The following STAU2 variants were observed in gnomAD, a reference collection of about 807,000 sequenced individuals.
STAU2 encodes the protein double-stranded RNA-binding protein Staufen homolog 2.
In STAU2, 20 loss-of-function variants were observed where a neutral mutation model predicts 65.9. The observed-to-expected ratio is 0.30, with a 90% CI of 0.21 to 0.44. The LOEUF (loss-of-function observed/expected upper bound fraction) is 0.44, where lower values mean the gene tolerates loss of function less well. Among genes scored for constraint, STAU2 ranks in the 20% least tolerant of loss-of-function variants. STAU2 has a pLI of 1.00. For synonymous variants in STAU2, 232 were observed against 233.9 expected (o/e 0.99, Z 0.07); for missense variants, 558 against 683.9 (o/e 0.82, Z 2.05).
At chr8:73,743,585 TG>T (rs1807041709) in intron 1 of STAU2, among the ~76,000 whole-genome samples, 2 of 150,708 alleles carry the variant, frequency 1.3e-5, no homozygotes, top group Non-Finnish European at 2.9e-5. Context: ...ATGATTCTCC[TG>T]CCTCAGCCTC....
intron 13 of STAU2, among the ~76,000 whole-genome samples, chr8:73,483,190 A>G (rs559795565): frequency 6.6e-6 from 1 of 152,226 alleles, no homozygotes; most frequent in African/African-American, 2.4e-5. Flanking sequence ...AAAGATTAAA[A>G]AGAATCACTT....
intron 13 of STAU2, among the ~76,000 whole-genome samples, chr8:73,536,825 T>C (rs536129117): frequency 2.4e-3 from 372 of 152,270 alleles, no homozygotes; most frequent in Admixed American, 5.0e-3. Context: ...ACTGGTACAA[T>C]GTCAGAGGAG....
chr8:73,726,849 G>A (rs948865532), intron 3 of STAU2, among the ~76,000 whole-genome samples: 4 of 152,022 alleles, frequency 2.6e-5, no homozygotes, highest in Non-Finnish European at 5.9e-5. Context: ...TTAAATCCTG[G>A]CTATGGGTCA....
intron 1 of STAU2, among the ~76,000 whole-genome samples, chr8:73,741,304 C>T (rs1445444666): frequency 8.9e-6 from 1 of 112,108 alleles, no homozygotes; most frequent in South Asian, 3.1e-4. Flanking sequence ...GACTCCGTCT[C>T]AAAAAAAAAA....
chr8:73,533,245 A>G (rs1489321371), intron 13 of STAU2, among the ~76,000 whole-genome samples: 2 of 152,230 alleles, frequency 1.3e-5, no homozygotes, highest in Non-Finnish European at 2.9e-5. Context: ...TTATAACACC[A>G]TCAACTACTA....
intron 13 of STAU2, among the ~76,000 whole-genome samples, chr8:73,469,508 C>G (rs1199650215): frequency 6.7e-6 from 1 of 149,950 alleles, no homozygotes; most frequent in Non-Finnish European, 1.5e-5. Flanking sequence ...TGGATGGAGA[C>G]TGAGTAGAAG....
chr8:73,451,258 CT>C (rs1818783487), intron 13 of STAU2, among the ~76,000 whole-genome samples: 1 of 152,126 alleles, frequency 6.6e-6, no homozygotes, highest in Non-Finnish European at 1.5e-5. Context: ...ATAGGGGTGT[CT>C]ATAAAGAACT....
In STAU2 at chr8:73,739,760, T is replaced by G. The variant is rs1806708048; in HGVS notation, c.-88A>C. On this transcript the variant is annotated 5_prime_UTR_variant, in exon 2 of 15. Coordinates refer to ENST00000524300, the MANE Select transcript of STAU2 (RefSeq NM_001164380.2). ...AGTCAAAGTTCTTCAGATTACCTTC[T>G]GAGCCTTGGTTCAAATTACTTTGTG... is the stretch of plus-strand genomic sequence containing the variant. 6.6e-7 allele frequency: 1 copy of G among 1,515,732 alleles called. No homozygotes were observed. Among genetic ancestry groups the G allele is most frequent in the Admixed American group, 2.1e-5 (1 of 46,832 alleles). 93.9% of individuals were successfully genotyped at this position (1,515,732 alleles called of 1,614,324 possible). A position where few individuals can be genotyped will look rare whatever the true frequency, so the allele number is the denominator to read the frequency against.
intron 6 of STAU2, among the ~76,000 whole-genome samples, chr8:73,621,316 C>A (rs1283945110): frequency 6.6e-6 from 1 of 152,106 alleles, no homozygotes; most frequent in Non-Finnish European, 1.5e-5. Context: ...CATTTCCTCT[C>A]CTGCTGTCCT....
chr8:73,679,159 C>T (rs1818218320), intron 5 of STAU2, among the ~76,000 whole-genome samples: 1 of 152,084 alleles, frequency 6.6e-6, no homozygotes, highest in Non-Finnish European at 1.5e-5. Context: ...TATAGTAATT[C>T]CATTAACCTA....
intron 5 of STAU2, among the ~76,000 whole-genome samples, chr8:73,676,753 G>A (rs1249926046): frequency 1.3e-5 from 2 of 152,024 alleles, no homozygotes; most frequent in African/African-American, 2.4e-5. Context: ...ACACCATCAC[G>A]CCCAGCTAAT....
chr8:73,521,187 A>G (rs1030144603), intron 13 of STAU2, among the ~76,000 whole-genome samples: 1 of 152,172 alleles, frequency 6.6e-6, no homozygotes, highest in Non-Finnish European at 1.5e-5. Context: ...ATTTTAATTA[A>G]TCAGAGAATA....
intron 4 of STAU2, among the ~76,000 whole-genome samples, chr8:73,704,477 G>A (rs758037010): frequency 1.3e-5 from 2 of 151,908 alleles, no homozygotes; most frequent in African/African-American, 2.4e-5. Flanking sequence ...TCATAATGAC[G>A]GTGTAGTGCG....
upstream of STAU2, among the ~76,000 whole-genome samples, chr8:73,747,131 G>A (rs571384272): frequency 1.3e-5 from 2 of 151,996 alleles, no homozygotes; most frequent in South Asian, 4.1e-4. Flanking sequence ...AGGCTCTGCG[G>A]GGCTAGCGGC....
At chr8:73,487,515 C>A (rs1820976631) in intron 13 of STAU2, among the ~76,000 whole-genome samples, 1 of 152,044 alleles carries the variant, frequency 6.6e-6, no homozygotes, top group South Asian at 2.1e-4. Context: ...CACAGAAGTG[C>A]CCTTCCATTT....
intron 13 of STAU2, chr8:73,549,894 A>G (rs1807200739): frequency 1.0e-6 from 1 of 985,696 alleles, no homozygotes; most frequent in African/African-American, 1.7e-5. Context: ...TCCAATTAAA[A>G]CATTTAAGTA....
At position 73,576,910 on chromosome 8, in the gene STAU2, T is replaced by C. The variant is rs1474883476; in HGVS notation, c.1222+5860A>G. Among the ~76,000 whole-genome samples the C allele has an allele frequency of 2.6e-5, 4 of 152,220 alleles. No homozygotes were observed. The East Asian group carries it at 5.8e-4, about 22-fold the overall frequency. On this transcript the variant is annotated intron_variant, in intron 12 of 14. Transcript: ENST00000524300. ...TGAATTTCTGCAAGATATTTATCTGTGTTATCATTACAGTCTGCTCCTAAT... is the reference window on the plus strand; with the variant it reads ...TGAATTTCTGCAAGATATTTATCTGCGTTATCATTACAGTCTGCTCCTAAT...
chr8:73,646,794 G>T (rs1218326810), intron 6 of STAU2, among the ~76,000 whole-genome samples: 1 of 151,746 alleles, frequency 6.6e-6, no homozygotes, highest in African/African-American at 2.4e-5. Context: ...TATGAACAGG[G>T]AGAAAAGATT....
chr8:73,463,221 T>C (rs780509157), intron 13 of STAU2, among the ~76,000 whole-genome samples: 2 of 152,252 alleles, frequency 1.3e-5, no homozygotes, highest in Non-Finnish European at 2.9e-5. Flanking sequence ...TCTTTAGGAA[T>C]GAAAATGGCC....
Sources: gnomAD v4.1 joint callset for allele counts (sites outside exome capture counted in the v4.1 genomes callset) on GRCh38, gnomAD v4.1.1 for gene constraint, MANE v1.5 for transcripts, NCBI Gene and HGNC (gene_info 2026-07-23, HGNC 2026-07-21) for gene names.